The following CDH13 variants were observed in gnomAD, a reference collection of about 807,000 sequenced individuals.
The protein encoded by CDH13 is cadherin-13.
Under a neutral mutation model 63.8 loss-of-function variants are expected in CDH13, and 24 were observed. That is an observed-to-expected ratio of 0.38 (90% CI 0.27 to 0.53). The LOEUF is 0.53. Among genes scored for constraint, CDH13 ranks in the 20% least tolerant of loss-of-function variants. The probability of loss-of-function intolerance (pLI) is 0.85; values close to 1 mark genes in which losing one functional copy is unlikely to be tolerated. For missense variants in CDH13, 1,049 were observed against 903.1 expected, an observed-to-expected ratio of 1.16 and a Z score of -2.07; for synonymous variants, 503 against 355.3, an observed-to-expected ratio of 1.42 and a Z score of -4.67.
At chr16:82,639,535 T>C (rs1486144797) in intron 1 of CDH13, 6 of 1,048,162 alleles carry the variant, frequency 5.7e-6, no homozygotes, top group Non-Finnish European at 7.1e-6. Flanking sequence ...GAAACCCTGT[T>C]GCCTAAGTCA....
chr16:83,399,755 G>C (rs1057145376), intron 6 of CDH13, among the ~76,000 whole-genome samples: 2 of 152,092 alleles, frequency 1.3e-5, no homozygotes, highest in Non-Finnish European at 2.9e-5. Context: ...GCTAGACTCT[G>C]GGCTCCAGGA....
intron 3 of CDH13, among the ~76,000 whole-genome samples, chr16:83,110,265 A>C (rs1176402142): frequency 2.0e-5 from 3 of 152,186 alleles, no homozygotes; most frequent in Admixed American, 2.0e-4. Context: ...TCTTTAAAAT[A>C]CTCAAGAGTC....
At chr16:83,761,073 A>C (rs1913928355) in intron 11 of CDH13, among the ~76,000 whole-genome samples, 1 of 152,230 alleles carries the variant, frequency 6.6e-6, no homozygotes, top group Admixed American at 6.5e-5. Flanking sequence ...AGTTTATAAC[A>C]ATTTTAAGAT....
chr16:83,441,097 A>T (rs1182965724), intron 6 of CDH13, among the ~76,000 whole-genome samples: 1 of 152,224 alleles, frequency 6.6e-6, no homozygotes, highest in Non-Finnish European at 1.5e-5. Flanking sequence ...AGAAAAATTT[A>T]AAAATAAAAA....
At chr16:83,673,780 G>A (rs564102115) in intron 9 of CDH13, among the ~76,000 whole-genome samples, 12 of 152,330 alleles carry the variant, frequency 7.9e-5, no homozygotes, top group African/African-American at 2.6e-4. Context: ...GGTGTGCCAG[G>A]TGGTTCTGTT....
chr16:83,663,935 AGATC>A (rs1913688146), intron 8 of CDH13, among the ~76,000 whole-genome samples: 1 of 151,918 alleles, frequency 6.6e-6, no homozygotes. Flanking sequence ...CAAGGCAGGA[AGATC>A]ACTTGAGCCT....
chr16:82,873,514 G>A (rs560833818), intron 2 of CDH13, among the ~76,000 whole-genome samples: 1 of 152,256 alleles, frequency 6.6e-6, no homozygotes, highest in South Asian at 2.1e-4. Context: ...GGACAGTGGT[G>A]TGGGCTCCTA....
At chr16:82,841,478 G>A (rs1168216588) in intron 1 of CDH13, among the ~76,000 whole-genome samples, 1 of 152,154 alleles carries the variant, frequency 6.6e-6, no homozygotes, top group East Asian at 1.9e-4. Flanking sequence ...ATTATGTCAG[G>A]AGGCAGGATT....
At chr16:83,577,232 C>T (rs1369799445) in intron 7 of CDH13, among the ~76,000 whole-genome samples, 2 of 152,168 alleles carry the variant, frequency 1.3e-5, no homozygotes, top group Non-Finnish European at 2.9e-5. Context: ...GGTTAAACAG[C>T]CCCTGTCCTA....
chr16:82,657,681 G>A (rs1379080884), intron 1 of CDH13, among the ~76,000 whole-genome samples: 1 of 152,074 alleles, frequency 6.6e-6, no homozygotes, highest in Non-Finnish European at 1.5e-5. Context: ...TTCCAATTTG[G>A]GGAGGGTAAT....
intron 7 of CDH13, among the ~76,000 whole-genome samples, chr16:83,602,029 G>T (rs1907845496): frequency 7.1e-6 from 1 of 141,280 alleles, no homozygotes; most frequent in South Asian, 2.3e-4. Context: ...GGAGGCGGAG[G>T]TTGCAGTGAG....
chr16:83,421,706 T>A (rs1328663543), intron 6 of CDH13, among the ~76,000 whole-genome samples: 1 of 152,226 alleles, frequency 6.6e-6, no homozygotes, highest in Non-Finnish European at 1.5e-5. Flanking sequence ...GTATTTGGCT[T>A]TTCCAGGCTT....
intron 6 of CDH13, chr16:83,396,678 T>C (rs2091891565): frequency 6.6e-6 from 1 of 152,142 alleles, no homozygotes; most frequent in Non-Finnish European, 1.5e-5. Context: ...GCATGGCTTT[T>C]CTGAAGATAA....
intron 1 of CDH13, among the ~76,000 whole-genome samples, chr16:82,722,088 G>A (rs1248208069): frequency 6.6e-6 from 1 of 152,200 alleles, no homozygotes; most frequent in African/African-American, 2.4e-5. Flanking sequence ...AAACACAACA[G>A]AGTATAGAAT....
intron 2 of CDH13, among the ~76,000 whole-genome samples, chr16:83,003,375 C>T (rs531233380): frequency 2.6e-5 from 4 of 151,430 alleles, no homozygotes; most frequent in African/African-American, 9.7e-5. Flanking sequence ...ATCTATTTAA[C>T]TGGCTTAAGT....
At chr16:82,811,042 T>G (rs1256701108) in intron 1 of CDH13, among the ~76,000 whole-genome samples, 1 of 152,172 alleles carries the variant, frequency 6.6e-6, no homozygotes, top group Admixed American at 6.6e-5. Flanking sequence ...TAAAATATTT[T>G]AAATTACGAT....
chr16:82,755,777 G>A (rs2034591559), intron 1 of CDH13, among the ~76,000 whole-genome samples: 1 of 152,154 alleles, frequency 6.6e-6, no homozygotes, highest in South Asian at 2.1e-4. Context: ...ACCACTAGGT[G>A]GTATGTCCAT....
chr16:83,301,904 ATACT>A (rs1206422351), intron 5 of CDH13, among the ~76,000 whole-genome samples: 1 of 152,060 alleles, frequency 6.6e-6, no homozygotes, highest in Non-Finnish European at 1.5e-5. Flanking sequence ...TTTCTGGCAG[ATACT>A]TAAGAAAATT....
At chr16:83,102,931 T>TG (rs2034563280) in intron 3 of CDH13, among the ~76,000 whole-genome samples, 1 of 4,834 alleles carries the variant, frequency 2.1e-4, no homozygotes, top group African/African-American at 3.9e-4. Flanking sequence ...TTTCTTTTTC[T>TG]TTTTTTTTTT....
Sources: gnomAD v4.1 joint callset for allele counts (sites outside exome capture counted in the v4.1 genomes callset) on GRCh38, gnomAD v4.1.1 for gene constraint, MANE v1.5 for transcripts, NCBI Gene and HGNC (gene_info 2026-07-23, HGNC 2026-07-21) for gene names.